TTR: variants seen among roughly 807,000 people sequenced by gnomAD.
TTR encodes the protein epididymis luminal protein 111.
In TTR, 8 loss-of-function variants were observed where a neutral mutation model predicts 13.7. That is an observed-to-expected ratio of 0.58 (90% CI 0.34 to 1.05). The LOEUF is 1.05. Among genes scored for constraint, TTR ranks in the 50% least tolerant of loss-of-function variants. The pLI is 0.02. For synonymous variants in TTR, 75 were observed against 71.7 expected (o/e 1.05, Z -0.23); for missense variants, 135 against 185.5 (o/e 0.73, Z 1.58).
At chr18:31,594,736 C>T (rs2073507272) in intron 2 of TTR, among the ~76,000 whole-genome samples, 1 of 151,984 alleles carries the variant, frequency 6.6e-6, no homozygotes, top group South Asian at 2.1e-4. Flanking sequence ...TGGTGGCAGG[C>T]GCCTGTAATC....
At chr18:31,592,786 G>C (rs112155761) in intron 1 of TTR, 110 bp from the exon 2 acceptor site, 9 of 1,407,520 alleles carry the variant, frequency 6.4e-6, no homozygotes, top group African/African-American at 2.8e-5. Flanking sequence ...TCCTGATAAT[G>C]GGATCAGTGT....
chr18:31,598,745 T>C lies in TTR; in HGVS notation c.*70T>C. ...CATGTAACCAAGAGTATTCCATTTT[T>C]ACTAAAGCAGTGTTTTCACCTCATA... On this transcript the variant is annotated 3_prime_UTR_variant, in exon 4 of 4. Transcript: ENST00000237014. 6.6e-7 allele frequency: 1 copy of C among 1,526,062 alleles called. No individual in the cohort carries two copies. The highest frequency in any genetic ancestry group is 9.0e-7 in the Non-Finnish European group (1 of 1,105,582). The allele number at this position is 1,526,062 out of a possible 1,614,324, so 94.5% of individuals were successfully genotyped here. A position where few individuals can be genotyped will look rare whatever the true frequency, so the allele number is the denominator to read the frequency against.
rs2073492312 is a variant in TTR, at chr18:31,592,793, G to A, written c.70-103G>A. The A allele has an allele frequency of 6.2e-6, 9 of 1,461,536 alleles. No homozygotes were observed. The Admixed American group carries it at 1.4e-4, about 22-fold the overall frequency. 90.5% of individuals were successfully genotyped at this position (1,461,536 alleles called of 1,614,324 possible). A position where few individuals can be genotyped will look rare whatever the true frequency, so the allele number is the denominator to read the frequency against. On this transcript the variant is annotated intron_variant, in intron 1 of 3. Transcript: ENST00000237014. The stretch of plus-strand genomic sequence containing the variant: ...ACTTACGTTCCTGATAATGGGATCA[G>A]TGTGTAATTCTTGTTTCGCTCCAGA...
At chr18:31,597,441 T>A (rs989896239) in intron 3 of TTR, among the ~76,000 whole-genome samples, 3 of 152,214 alleles carry the variant, frequency 2.0e-5, no homozygotes, top group Non-Finnish European at 2.9e-5. Flanking sequence ...AAAGACATTT[T>A]TATTAGTTGA....
chr18:31,596,273 T>C (rs1173953653), intron 3 of TTR: 2 of 154,378 alleles, frequency 1.3e-5, no homozygotes, highest in Non-Finnish European at 2.9e-5. Flanking sequence ...GATGAGACTT[T>C]CAATTGCTAT....
intron 2 of TTR, among the ~76,000 whole-genome samples, 179 bp from the exon 3 acceptor site, chr18:31,594,941 C>A (rs115314057): frequency 0.017 from 2,521 of 152,076 alleles, 79 homozygotes; most frequent in African/African-American, 0.058. Context: ...AAAGTTTTTA[C>A]AAACTTTTTG....
intron 3 of TTR, chr18:31,596,036 A>G (rs2073515002): frequency 6.3e-6 from 1 of 158,192 alleles, no homozygotes; most frequent in Admixed American, 6.2e-5. Context: ...GCTTAAAAAA[A>G]GAAAAGCCAC....
intron 3 of TTR, 146 bp from the exon 4 acceptor site, chr18:31,598,422 C>T: frequency 1.2e-6 from 1 of 827,178 alleles, no homozygotes; most frequent in Middle Eastern, 2.2e-4. Context: ...CATATTTGAG[C>T]TTTTTCCTTC....
Position 31,597,874 on chromosome 18 carries a change from G to T in TTR, c.337-694G>T, listed in dbSNP as rs569789410. On this transcript the variant is annotated intron_variant, in intron 3 of 3. Transcript: ENST00000237014. ...TTACAAAGCTTAAATGAGCTCTAGT[G>T]CATGCATATATATTTCAAAATTCCA... is the stretch of plus-strand genomic sequence containing the variant. 3.0e-3 allele frequency among the ~76,000 whole-genome samples: 455 copies of T among 152,246 alleles called. 4 individuals are homozygous for T. Among genetic ancestry groups the T allele is most frequent in the African/African-American group, 0.01 (432 of 41,544 alleles).
chr18:31,594,143 C>CAA (rs58272364), intron 2 of TTR, among the ~76,000 whole-genome samples: 1 of 119,102 alleles, frequency 8.4e-6, no homozygotes, highest in African/African-American at 3.1e-5. Flanking sequence ...TGCACCAGGA[C>CAA]AAAAAAAAAA....
At chr18:31,594,725 A>C (rs1598844894) in intron 2 of TTR, among the ~76,000 whole-genome samples, 1 of 152,122 alleles carries the variant, frequency 6.6e-6, no homozygotes, top group African/African-American at 2.4e-5. Flanking sequence ...TTAGCCAGGC[A>C]TGGTGGCAGG....
chr18:31,598,785 TC>T lies in TTR; in HGVS notation c.*112del. 8.8e-7 allele frequency: 1 copy of T among 1,131,208 alleles called. No homozygotes were observed. Among genetic ancestry groups the T allele is most frequent in the Non-Finnish European group, 1.3e-6 (1 of 768,964 alleles). 70.1% of individuals were successfully genotyped at this position (1,131,208 alleles called of 1,614,324 possible). ...TTCACCTCATATGCTATGTTAGAAG[TC>T]CAGGCAGAGACAATAAAACATTCCT... On this transcript the variant is annotated 3_prime_UTR_variant, in exon 4 of 4. Coordinates refer to ENST00000237014, the MANE Select transcript of TTR (RefSeq NM_000371.4).
Position 31,593,164 on chromosome 18 carries a change from C to G in TTR, c.200+138C>G, listed in dbSNP as rs2073495596. 11 of 1,285,380 alleles carry G rather than the reference C, an allele frequency of 8.6e-6. No homozygotes were observed. The South Asian group carries it at 1.4e-4, about 17-fold the overall frequency. The allele number at this position is 1,285,380 out of a possible 1,614,324, so 79.6% of individuals were successfully genotyped here. On this transcript the variant is annotated intron_variant, in intron 2 of 3. Coordinates refer to ENST00000237014, the MANE Select transcript of TTR (RefSeq NM_000371.4). ...AACGTAGGCAGAGGTCAAGTATGCC[C>G]TCTGAAGGATGCCCTCTTTTTGTTT...
intron 2 of TTR, among the ~76,000 whole-genome samples, chr18:31,593,700 A>T (rs1346328415): frequency 1.3e-5 from 2 of 152,124 alleles, no homozygotes; most frequent in Non-Finnish European, 2.9e-5. Flanking sequence ...TAATCCCACG[A>T]TCACCCGACT....
chr18:31,598,524 T>G, intron 3 of TTR, 44 bp from the exon 4 acceptor site: 1 of 1,606,012 alleles, frequency 6.2e-7, no homozygotes, highest in East Asian at 2.2e-5. Context: ...CTGTCACGTT[T>G]TTCGGGCTCT....
intron 2 of TTR, 84 bp from the exon 3 acceptor site, chr18:31,595,036 G>A (rs897378537): frequency 7.1e-7 from 1 of 1,407,008 alleles, no homozygotes; most frequent in African/African-American, 1.4e-5. Context: ...ATGTTTATGT[G>A]TGTTAGTTGG....
At position 31,598,630 on chromosome 18, in the gene TTR, C is replaced by T; in HGVS notation, c.399C>T (p.Pro133=). 6.2e-7 allele frequency: 1 copy of T among 1,614,248 alleles called. No individual in the cohort carries two copies. Among genetic ancestry groups the T allele is most frequent in the Non-Finnish European group, 8.5e-7 (1 of 1,180,056 alleles). Residue 133 remains proline, a synonymous_variant, in exon 4 of 4, where the codon CCC becomes CCT. Coordinates refer to ENST00000237014, the MANE Select transcript of TTR (RefSeq NM_000371.4). ...RRYTIAALLS[P]YSYSTTAVVT... ...ACACCATTGCCGCCCTGCTGAGCCC[C>T]TACTCCTATTCCACCACGGCTGTCG...
intron 1 of TTR, 65 bp from the exon 2 acceptor site, chr18:31,592,831 C>T (rs1188370685): frequency 1.2e-6 from 2 of 1,600,658 alleles, no homozygotes; most frequent in Non-Finnish European, 1.7e-6. Flanking sequence ...TCTAATACCA[C>T]AAAGAATAAA....
chr18:31,596,846 C>T (rs2073519332), intron 3 of TTR, among the ~76,000 whole-genome samples: 1 of 152,068 alleles, frequency 6.6e-6, no homozygotes, highest in Non-Finnish European at 1.5e-5. Context: ...CAAGAGAGAG[C>T]GAGTAGTGAG....
Sources: gnomAD v4.1 joint callset for allele counts (sites outside exome capture counted in the v4.1 genomes callset) on GRCh38, gnomAD v4.1.1 for gene constraint, MANE v1.5 for transcripts, NCBI Gene and HGNC (gene_info 2026-07-23, HGNC 2026-07-21) for gene names.